Variants in ZEB1 observed in about 807,000 individuals in gnomAD.
ZEB1 encodes the protein zinc finger E-box-binding homeobox 1.
A neutral mutation model predicts 84.9 loss-of-function variants in ZEB1; 21 were observed. The ratio of observed to expected loss-of-function variants is 0.25; its 90% CI spans 0.18 to 0.36. The LOEUF is 0.36. Ranked by LOEUF, ZEB1 falls within the 10% of genes least tolerant of loss-of-function variation. The probability of loss-of-function intolerance (pLI) is 1.00; values close to 1 mark genes in which losing one functional copy is unlikely to be tolerated. For missense variants in ZEB1, 1,104 were observed against 1,330.2 expected (o/e 0.83, Z 2.65); for synonymous variants, 420 against 471.1 (o/e 0.89, Z 1.41).
intron 1 of ZEB1, among the ~76,000 whole-genome samples, chr10:31,380,604 A>T (rs1357223393): frequency 6.6e-6 from 1 of 152,108 alleles, no homozygotes; most frequent in Non-Finnish European, 1.5e-5. Flanking sequence ...TGAATTTTTA[A>T]ATCTGCCACC....
intron 2 of ZEB1, among the ~76,000 whole-genome samples, chr10:31,484,118 C>T (rs772057648): frequency 6.6e-6 from 1 of 152,010 alleles, no homozygotes; most frequent in Non-Finnish European, 1.5e-5. Context: ...ACTCCTGCCT[C>T]ACTCTCTTTC....
At chr10:31,420,743 A>AT (rs1422743676) in intron 1 of ZEB1, among the ~76,000 whole-genome samples, 48 of 152,170 alleles carry the variant, frequency 3.2e-4, no homozygotes, top group African/African-American at 1.1e-3. Flanking sequence ...ACCATGGATC[A>AT]TTGGAGGTCA....
intron 1 of ZEB1, among the ~76,000 whole-genome samples, chr10:31,427,501 A>G (rs2057104315): frequency 6.6e-6 from 1 of 151,968 alleles, no homozygotes; most frequent in Admixed American, 6.6e-5. Flanking sequence ...CCTCCCTTGT[A>G]TTTCTTCCTC....
At chr10:31,378,309 A>G (rs2047039013) in intron 1 of ZEB1, among the ~76,000 whole-genome samples, 1 of 151,450 alleles carries the variant, frequency 6.6e-6, no homozygotes, top group Non-Finnish European at 1.5e-5. Flanking sequence ...ATATGTATAT[A>G]CTCATACATA....
chr10:31,324,227 T>A (rs2034922888), intron 1 of ZEB1, among the ~76,000 whole-genome samples: 1 of 152,064 alleles, frequency 6.6e-6, no homozygotes, highest in East Asian at 1.9e-4. Flanking sequence ...AATATTTGTT[T>A]AATACTGTTT....
chr10:31,334,808 A>T (rs1487600277), intron 1 of ZEB1, among the ~76,000 whole-genome samples: 1 of 151,750 alleles, frequency 6.6e-6, no homozygotes, highest in Non-Finnish European at 1.5e-5. Flanking sequence ...CCAATTCCTA[A>T]AAAAAAATGT....
chr10:31,421,324 C>T lies in ZEB1; in HGVS notation c.59-39713C>T, dbSNP rs2056129301. Among the ~76,000 whole-genome samples the T allele has an allele frequency of 2.6e-5, 4 of 152,188 alleles. No individual in the cohort carries two copies. In the South Asian group the frequency reaches 6.2e-4, roughly 24 times the overall value. ...GGGTTGTGACTTATGAGAGGGGCTA[C>T]ACATGCATGGGTTGGGACAACCATG... is the stretch of plus-strand genomic sequence containing the variant. On this transcript the variant is annotated intron_variant, in intron 1 of 8. Transcript: ENST00000424869.
chr10:31,414,929 C>A (rs945640068), intron 1 of ZEB1, among the ~76,000 whole-genome samples: 3 of 152,134 alleles, frequency 2.0e-5, no homozygotes, highest in Admixed American at 1.3e-4. Flanking sequence ...AAAACTTAAT[C>A]ATTGATTATA....
chr10:31,484,497 T>C (rs1019037066), intron 2 of ZEB1, among the ~76,000 whole-genome samples: 5 of 151,944 alleles, frequency 3.3e-5, no homozygotes, highest in Non-Finnish European at 7.4e-5. Context: ...CAAAAGACAT[T>C]AGGTAATTTA....
chr10:31,363,822 C>T (rs2043881291), intron 1 of ZEB1: 9 of 1,332,984 alleles, frequency 6.8e-6, no homozygotes, highest in Middle Eastern at 2.0e-4. Context: ...GACACAGCCT[C>T]ATAGGGGCGC....
intron 8 of ZEB1, among the ~76,000 whole-genome samples, chr10:31,524,845 A>G (rs2073114547): frequency 6.6e-6 from 1 of 152,166 alleles, no homozygotes; most frequent in African/African-American, 2.4e-5. Context: ...CTGGCAAGTC[A>G]AGATCTTTTG....
At chr10:31,393,012 T>G (rs1235531205) in intron 1 of ZEB1, among the ~76,000 whole-genome samples, 1 of 152,016 alleles carries the variant, frequency 6.6e-6, no homozygotes, top group Non-Finnish European at 1.5e-5. Context: ...TTTTTCTGTG[T>G]TTTTTGTTGA....
intron 1 of ZEB1, among the ~76,000 whole-genome samples, chr10:31,434,366 A>G (rs778248847): frequency 6.6e-6 from 1 of 152,252 alleles, no homozygotes; most frequent in Non-Finnish European, 1.5e-5. Context: ...CACAATTTTT[A>G]TATAACTAGA....
At chr10:31,470,196 G>T (rs1051931575) in intron 2 of ZEB1, among the ~76,000 whole-genome samples, 1 of 152,188 alleles carries the variant, frequency 6.6e-6, no homozygotes, top group Non-Finnish European at 1.5e-5. Context: ...ACCAGCAATG[G>T]AACAAAGCTG....
chr10:31,321,099 T>A, intron 1 of ZEB1: 1 of 995,900 alleles, frequency 1.0e-6, no homozygotes, highest in Non-Finnish European at 1.2e-6. Flanking sequence ...AACTCTCTCG[T>A]GCTCCCCCAG....
intron 1 of ZEB1, among the ~76,000 whole-genome samples, chr10:31,400,076 C>T (rs2051649091): frequency 6.6e-6 from 1 of 152,146 alleles, no homozygotes; most frequent in South Asian, 2.1e-4. Context: ...CCCCAATTCT[C>T]CTTCCTGCTT....
At chr10:31,439,856 C>G (rs968772775) in intron 1 of ZEB1, among the ~76,000 whole-genome samples, 8 of 151,968 alleles carry the variant, frequency 5.3e-5, no homozygotes, top group African/African-American at 1.9e-4. Context: ...GAGAGTCAGC[C>G]CATGGAGGGC....
In ZEB1 at chr10:31,514,724, C is replaced by T. The variant is rs1324014133; in HGVS notation, c.793+16C>T. The T allele has an allele frequency of 6.4e-7, 1 of 1,570,836 alleles. No homozygotes were observed. The highest frequency in any genetic ancestry group is 1.7e-5 in the Admixed American group (1 of 59,696). On this transcript the variant is annotated intron_variant, in intron 6 of 8. Transcript: ENST00000424869. ...ATTCACAGTGGTAAATATTTTTTTT[C>T]TTTCTATACCCTGAATATCATAGCA...
At chr10:31,467,918 G>T (rs1323660687) in intron 2 of ZEB1, among the ~76,000 whole-genome samples, 1 of 152,138 alleles carries the variant, frequency 6.6e-6, no homozygotes, top group East Asian at 1.9e-4. Context: ...CAGGTGGTTT[G>T]GGATTTGCAT....
Sources: gnomAD v4.1 joint callset for allele counts (sites outside exome capture counted in the v4.1 genomes callset) on GRCh38, gnomAD v4.1.1 for gene constraint, MANE v1.5 for transcripts, NCBI Gene and HGNC (gene_info 2026-07-23, HGNC 2026-07-21) for gene names.